The following CDK17 variants were observed in gnomAD, a reference collection of about 807,000 sequenced individuals.
The protein encoded by CDK17 is cyclin-dependent kinase 17.
CDK17 carries 24 observed loss-of-function variants against 77.6 expected under a neutral mutation model. The ratio of observed to expected loss-of-function variants is 0.31; its 90% CI spans 0.22 to 0.44. The LOEUF (loss-of-function observed/expected upper bound fraction) is 0.44, where lower values mean the gene tolerates loss of function less well. Ranked by LOEUF, CDK17 falls within the 20% of genes least tolerant of loss-of-function variation. CDK17 has a pLI of 1.00. For missense variants in CDK17, 429 were observed against 622.5 expected, an observed-to-expected ratio of 0.69 and a Z score of 3.31; for synonymous variants, 203 against 210.4, an observed-to-expected ratio of 0.96 and a Z score of 0.30.
chr12:96,371,217 T>C (rs1467564738), intron 1 of CDK17, among the ~76,000 whole-genome samples: 2 of 152,064 alleles, frequency 1.3e-5, no homozygotes, highest in Admixed American at 6.6e-5. Context: ...CTTTATCCTC[T>C]AATTAGCATA....
At chr12:96,327,767 T>C (rs1952910441) in intron 2 of CDK17, among the ~76,000 whole-genome samples, 1 of 152,108 alleles carries the variant, frequency 6.6e-6, no homozygotes, top group South Asian at 2.1e-4. Flanking sequence ...CCAGCTAGTC[T>C]CAAACTCCTG....
intron 1 of CDK17, among the ~76,000 whole-genome samples, chr12:96,391,681 ATTATAATT>A (rs1332852680): frequency 6.6e-6 from 1 of 152,174 alleles, no homozygotes; most frequent in Non-Finnish European, 1.5e-5. Context: ...ACATATTAAC[ATTATAATT>A]TTATATTTCC....
At chr12:96,332,791 A>C (rs1952990634) in intron 2 of CDK17, among the ~76,000 whole-genome samples, 2 of 152,228 alleles carry the variant, frequency 1.3e-5, no homozygotes. Context: ...AAAAGTTACT[A>C]CTGTAATAAA....
chr12:96,342,937 G>A (rs1953143269), intron 1 of CDK17, among the ~76,000 whole-genome samples: 1 of 150,712 alleles, frequency 6.6e-6, no homozygotes, highest in Admixed American at 6.6e-5. Flanking sequence ...ACTCCAGCCT[G>A]GGCCAACAAG....
At chr12:96,378,311 T>C (rs1442751261) in intron 1 of CDK17, among the ~76,000 whole-genome samples, 2 of 152,252 alleles carry the variant, frequency 1.3e-5, no homozygotes, top group Non-Finnish European at 2.9e-5. Flanking sequence ...TCAATATTAC[T>C]TTTTTGTTGC....
intron 1 of CDK17, among the ~76,000 whole-genome samples, chr12:96,361,784 T>C (rs939526674): frequency 3.9e-4 from 60 of 152,168 alleles, no homozygotes; most frequent in Admixed American, 1.6e-3. Flanking sequence ...CATCCATGCA[T>C]ACCTAGATGG....
intron 1 of CDK17, among the ~76,000 whole-genome samples, chr12:96,395,345 A>G (rs1954151341): frequency 1.3e-5 from 2 of 152,192 alleles, no homozygotes; most frequent in Non-Finnish European, 2.9e-5. Context: ...TTGTTTATAG[A>G]GTGCAGACAG....
chr12:96,328,587 A>G (rs1359197336), intron 2 of CDK17, among the ~76,000 whole-genome samples: 1 of 152,168 alleles, frequency 6.6e-6, no homozygotes, highest in Non-Finnish European at 1.5e-5. Context: ...AGAGAAAAGA[A>G]TTGGGGACAA....
chr12:96,333,671 C>CA (rs58025242), intron 2 of CDK17, among the ~76,000 whole-genome samples: 51,379 of 111,268 alleles, frequency 0.46, 10,957 homozygotes, highest in East Asian at 0.62. Flanking sequence ...GAGACTGTCT[C>CA]AAAAAAAAAA....
chr12:96,363,387 G>A (rs1466853135), intron 1 of CDK17, among the ~76,000 whole-genome samples: 8 of 149,098 alleles, frequency 5.4e-5, no homozygotes, highest in Admixed American at 2.7e-4. Context: ...GGAGGCAGAG[G>A]TTGCAGTGAG....
chr12:96,340,343 A>C (rs1390724175), intron 1 of CDK17, among the ~76,000 whole-genome samples: 1 of 152,150 alleles, frequency 6.6e-6, no homozygotes, highest in Non-Finnish European at 1.5e-5. Flanking sequence ...AGGAGTAAGA[A>C]AGATATTTCT....
intron 1 of CDK17, among the ~76,000 whole-genome samples, chr12:96,389,617 T>A (rs559016890): frequency 5.7e-4 from 87 of 152,290 alleles, no homozygotes; most frequent in African/African-American, 2.1e-3. Flanking sequence ...TAATAAACCA[T>A]GATCTCAAAA....
intron 6 of CDK17, among the ~76,000 whole-genome samples, chr12:96,299,656 T>C (rs1330209608): frequency 6.6e-6 from 1 of 152,244 alleles, no homozygotes; most frequent in Non-Finnish European, 1.5e-5. Flanking sequence ...CCCAAAATGC[T>C]GGGATTACAG....
intron 1 of CDK17, among the ~76,000 whole-genome samples, chr12:96,370,904 A>G (rs1953680955): frequency 6.6e-6 from 1 of 152,166 alleles, no homozygotes; most frequent in South Asian, 2.1e-4. Context: ...TGAAACGTTT[A>G]AGAGTATAAA....
intron 1 of CDK17, among the ~76,000 whole-genome samples, chr12:96,393,745 A>C (rs112828853): frequency 1.3e-5 from 2 of 151,990 alleles, no homozygotes; most frequent in Admixed American, 6.6e-5. Flanking sequence ...AACAAACACA[A>C]ACACACACAC....
At chr12:96,316,320 T>C (rs376967405) in intron 3 of CDK17, among the ~76,000 whole-genome samples, 1,935 of 151,746 alleles carry the variant, frequency 0.013, 25 homozygotes, top group Non-Finnish European at 0.02. Context: ...CACGGAGTCT[T>C]GCTGATTGCT....
chr12:96,371,473 A>G (rs1308353540), intron 1 of CDK17, among the ~76,000 whole-genome samples: 1 of 152,218 alleles, frequency 6.6e-6, no homozygotes, highest in East Asian at 1.9e-4. Flanking sequence ...AAATATTTAA[A>G]AGGCCACATT....
In CDK17 at chr12:96,279,891, T is replaced by C. The variant is rs146790257; in HGVS notation, c.*351A>G. On this transcript the variant is annotated 3_prime_UTR_variant, in exon 17 of 17. Transcript: ENST00000261211. ...TGCAACTTCTTCAGGCATTCAATTG[T>C]TGTGTTAAATAAACAGACAGTAGTT... 1.4e-4 allele frequency: 27 copies of C among 191,952 alleles called. No homozygotes were observed. In the East Asian group the frequency reaches 3.3e-3, roughly 23 times the overall value. 11.9% of individuals were successfully genotyped at this position (191,952 alleles called of 1,614,324 possible).
rs774935994 is a variant in CDK17 at position 96,298,904 on chromosome 12, T to G, written c.680A>C (p.His227Pro). The G allele has an allele frequency of 6.2e-7, 1 of 1,609,894 alleles. No homozygotes were observed. Among genetic ancestry groups the G allele is most frequent in the Non-Finnish European group, 8.5e-7 (1 of 1,176,592 alleles). ...LVALKEIRLE[H>P]EEGAPCTAIR... Reference sequence around the variant, plus strand: ...AGCTGTGCAGGGTGCACCTTCTTCATGTTCCAATCGGATCTCTTTTAATGC... The same window carrying G: ...AGCTGTGCAGGGTGCACCTTCTTCAGGTTCCAATCGGATCTCTTTTAATGC... The change falls in exon 7 of 17, where the codon CAT becomes CCT. Residue 227 changes from histidine to proline, a missense_variant. By Grantham distance (77) the His-to-Pro change is moderately conservative. Around this residue, in one of 4 missense-constraint regions of CDK17, gnomAD observed 262 missense variants for 385.4 expected, o/e 0.68. Coordinates refer to ENST00000261211, the MANE Select transcript of CDK17 (RefSeq NM_002595.5).
Sources: gnomAD v4.1 joint callset for allele counts (sites outside exome capture counted in the v4.1 genomes callset) on GRCh38, gnomAD v4.1.1 for gene constraint, gnomAD v4.1.1 regional missense constraint, MANE v1.5 for transcripts, NCBI Gene and HGNC (gene_info 2026-07-23, HGNC 2026-07-21) for gene names.